The following LPCAT2 variants were observed in gnomAD, a reference collection of about 807,000 sequenced individuals.
The protein encoded by LPCAT2 is lysophosphatidylcholine acyltransferase 2.
In LPCAT2, 58 loss-of-function variants were observed where a neutral mutation model predicts 64.7. That is an observed-to-expected ratio of 0.90 (90% CI 0.73 to 1.12). The LOEUF (loss-of-function observed/expected upper bound fraction) is 1.12, where lower values mean the gene tolerates loss of function less well. LPCAT2 is among the 50% of genes most tolerant of loss of function. LPCAT2 has a pLI of 0.00. For synonymous variants in LPCAT2, 252 were observed against 245.3 expected (o/e 1.03, Z -0.26); for missense variants, 579 against 669.8 (o/e 0.86, Z 1.50).
chr16:55,526,462 C>T (rs1368037028), intron 2 of LPCAT2, among the ~76,000 whole-genome samples: 1 of 152,082 alleles, frequency 6.6e-6, no homozygotes, highest in Admixed American at 6.5e-5. Context: ...GTATTTAAAT[C>T]TCAAATGTGA....
At chr16:55,515,597 G>A (rs1326834952) in intron 1 of LPCAT2, among the ~76,000 whole-genome samples, 1 of 152,056 alleles carries the variant, frequency 6.6e-6, no homozygotes, top group East Asian at 1.9e-4. Flanking sequence ...TAATTTTTTT[G>A]TTTGTAAATC....
chr16:55,545,365 A>G, intron 8 of LPCAT2: 1 of 169,464 alleles, frequency 5.9e-6, no homozygotes, highest in Non-Finnish European at 1.3e-5. Flanking sequence ...GGAGTTTCAC[A>G]TAAAGGGATG....
chr16:55,524,851 G>A (rs1414639255), intron 1 of LPCAT2, among the ~76,000 whole-genome samples: 1 of 151,942 alleles, frequency 6.6e-6, no homozygotes, highest in African/African-American at 2.4e-5. Context: ...CTCCTTTCTG[G>A]TATGTAAAAC....
intron 11 of LPCAT2, among the ~76,000 whole-genome samples, chr16:55,565,261 G>T (rs1183954391): frequency 6.6e-6 from 1 of 152,036 alleles, no homozygotes. Flanking sequence ...TGCTGGTGGG[G>T]ATGTAAGTGG....
rs186569428 is a variant in LPCAT2 at position 55,577,844 on chromosome 16, G to A, written c.1315-1265G>A. On this transcript the variant is annotated intron_variant, in intron 12 of 13. Transcript: ENST00000262134. ...TTGTTTCATAATTCCTTAAAATGAA[G>A]AGTCCATATTTCTTGCCTCTGCTTT... is the stretch of plus-strand genomic sequence containing the variant. Among the ~76,000 whole-genome samples the A allele has an allele frequency of 5.9e-5, 9 of 152,114 alleles. No homozygotes were observed. The East Asian group carries it at 1.4e-3, about 23-fold the overall frequency.
In LPCAT2 at chr16:55,512,643, G is replaced by A. The variant is rs146625746; in HGVS notation, c.171+3291G>A. ...TATAAATGATCTCAAAACCTTGGCC[G>A]ATTCCTGAGCTGTGTATTTACAAAG... On this transcript the variant is annotated intron_variant, in intron 1 of 13. Coordinates refer to ENST00000262134, the MANE Select transcript of LPCAT2 (RefSeq NM_017839.5). Among the ~76,000 whole-genome samples the A allele has an allele frequency of 6.3e-3, 962 of 152,310 alleles. 10 individuals are homozygous for A. The highest frequency in any genetic ancestry group is 0.021 in the African/African-American group (884 of 41,564).
chr16:55,522,121 C>T (rs1325662407), intron 1 of LPCAT2, among the ~76,000 whole-genome samples: 3 of 151,656 alleles, frequency 2.0e-5, no homozygotes, highest in African/African-American at 7.2e-5. Flanking sequence ...CAACTAACTA[C>T]TAGAACTAAT....
At chr16:55,511,222 A>G (rs1455145894) in intron 1 of LPCAT2, among the ~76,000 whole-genome samples, 1 of 152,228 alleles carries the variant, frequency 6.6e-6, no homozygotes, top group Non-Finnish European at 1.5e-5. Context: ...TCTACAAAGT[A>G]TATACTGTAC....
At chr16:55,511,478 T>C (rs1283434357) in intron 1 of LPCAT2, among the ~76,000 whole-genome samples, 1 of 152,212 alleles carries the variant, frequency 6.6e-6, no homozygotes, top group Non-Finnish European at 1.5e-5. Context: ...TAAATGATGA[T>C]CAATGTCTTG....
At chr16:55,545,889 T>A (rs1963448348) in intron 9 of LPCAT2, 72 bp downstream of exon 9, 1 of 1,274,798 alleles carries the variant, frequency 7.8e-7, no homozygotes, top group Non-Finnish European at 1.1e-6. Flanking sequence ...TAACTCATTT[T>A]AAGGATTTTT....
rs978624825 is a variant in LPCAT2 at position 55,584,484 on chromosome 16, A to G, written c.*1386A>G. ...AATTGTCATTTTTAATGGGTCTCAC[A>G]CATGCATATTGCTAATATCATTCAT... On this transcript the variant is annotated 3_prime_UTR_variant, in exon 14 of 14. Coordinates refer to ENST00000262134, the MANE Select transcript of LPCAT2 (RefSeq NM_017839.5). The G allele has an allele frequency of 2.0e-5, 3 of 152,182 alleles. No homozygotes were observed. Among genetic ancestry groups the G allele is most frequent in the African/African-American group, 7.2e-5 (3 of 41,452 alleles). The allele number at this position is 152,182 out of a possible 1,614,324, so 9.4% of individuals were successfully genotyped here. A position where few individuals can be genotyped will look rare whatever the true frequency, so the allele number is the denominator to read the frequency against.
In LPCAT2 at chr16:55,571,581, G is replaced by C. The variant is rs76392062; in HGVS notation, c.1216-3050G>C. 0.014 allele frequency among the ~76,000 whole-genome samples: 2,132 copies of C among 152,258 alleles called. 115 individuals carry two copies. The East Asian group carries it at 0.18, about 13-fold the overall frequency. Reference sequence around the variant, plus strand: ...AGGGATTACGGCCTCCCTCCAAAGAGCTGGTCTCCTTTGAAATGTGGCCCT... The same window carrying C: ...AGGGATTACGGCCTCCCTCCAAAGACCTGGTCTCCTTTGAAATGTGGCCCT... On this transcript the variant is annotated intron_variant, in intron 11 of 13. Coordinates refer to ENST00000262134, the MANE Select transcript of LPCAT2 (RefSeq NM_017839.5).
At chr16:55,512,678 A>G (rs1962950004) in intron 1 of LPCAT2, among the ~76,000 whole-genome samples, 1 of 152,236 alleles carries the variant, frequency 6.6e-6, no homozygotes, top group South Asian at 2.1e-4. Flanking sequence ...GGAGCCTTCA[A>G]GGACTCTGGA....
intron 6 of LPCAT2, among the ~76,000 whole-genome samples, chr16:55,533,857 C>T (rs544800273): frequency 2.6e-5 from 4 of 152,100 alleles, no homozygotes; most frequent in Non-Finnish European, 5.9e-5. Context: ...CTGAGAGGAA[C>T]TTTCTTTACT....
In LPCAT2 at chr16:55,584,754, T is replaced by C. The variant is rs1391251944; in HGVS notation, c.*1656T>C. The C allele has an allele frequency of 1.3e-5, 2 of 152,200 alleles. No individual in the cohort carries two copies. The highest frequency in any genetic ancestry group is 4.8e-5 in the African/African-American group (2 of 41,464). 9.4% of individuals were successfully genotyped at this position (152,200 alleles called of 1,614,324 possible). On this transcript the variant is annotated 3_prime_UTR_variant, in exon 14 of 14. Transcript: ENST00000262134. ...AAACTAGTTTTACATATTAAGCAGT[T>C]AGTGTTCTAATTTAATGGGTAAATG...
rs57496150 is a variant in LPCAT2 at position 55,509,991 on chromosome 16, C to CTTTTTTTTTT, written c.171+647_171+656dup. On this transcript the variant is annotated intron_variant, in intron 1 of 13. Transcript: ENST00000262134. ...TACGGGAGAGTAGATTTGAAGAAGTCTTTTTTTTTTTTTTTTTGCCTTAGG... is the reference window on the plus strand; with the variant it reads ...TACGGGAGAGTAGATTTGAAGAAGTCTTTTTTTTTTTTTTTTTTTTTTTTTTTGCCTTAGG... 1.2e-3 allele frequency among the ~76,000 whole-genome samples: 124 copies of CTTTTTTTTTT among 102,494 alleles called. 9 individuals carry two copies. Among genetic ancestry groups the CTTTTTTTTTT allele is most frequent in the Non-Finnish European group, 1.4e-3 (74 of 52,358 alleles). 67.2% of individuals were successfully genotyped at this position (102,494 alleles called of 152,430 possible).
At chr16:55,560,743 G>A (rs1963626856) in intron 11 of LPCAT2, among the ~76,000 whole-genome samples, 1 of 151,978 alleles carries the variant, frequency 6.6e-6, no homozygotes, top group South Asian at 2.1e-4. Context: ...GTTAATTGCA[G>A]GACTGAGACT....
At chr16:55,532,428 T>G (rs2142383011) in intron 5 of LPCAT2, 1 of 164,520 alleles carries the variant, frequency 6.1e-6, no homozygotes, top group East Asian at 1.8e-4. Context: ...TATGACTCAC[T>G]TCTAGCAAGT....
chr16:55,567,416 T>C, intron 11 of LPCAT2: 1 of 1,613,894 alleles, frequency 6.2e-7, no homozygotes, highest in Non-Finnish European at 8.5e-7. Context: ...ATGCCATGTT[T>C]CGTGCCTTCA....
Sources: gnomAD v4.1 joint callset for allele counts (sites outside exome capture counted in the v4.1 genomes callset) on GRCh38, gnomAD v4.1.1 for gene constraint, MANE v1.5 for transcripts, NCBI Gene and HGNC (gene_info 2026-07-23, HGNC 2026-07-21) for gene names.